GRIP1: variants seen among roughly 807,000 people sequenced by gnomAD.
GRIP1 encodes the protein glutamate receptor-interacting protein 1.
A neutral mutation model predicts 129.9 loss-of-function variants in GRIP1; 45 were observed. That is an observed-to-expected ratio of 0.35 (90% CI 0.27 to 0.44). The LOEUF (loss-of-function observed/expected upper bound fraction) is 0.44, where lower values mean the gene tolerates loss of function less well. GRIP1 is among the 20% of genes least tolerant of loss of function. GRIP1 has a pLI of 1.00. For missense variants in GRIP1, 1,196 were observed against 1,396.8 expected, an observed-to-expected ratio of 0.86 and a Z score of 2.29; for synonymous variants, 530 against 520.8, an observed-to-expected ratio of 1.02 and a Z score of -0.24.
At chr12:66,373,769 CAT>C (rs1444329691) in intron 22 of GRIP1, among the ~76,000 whole-genome samples, 3 of 152,338 alleles carry the variant, frequency 2.0e-5, no homozygotes, top group East Asian at 3.9e-4. Flanking sequence ...TGAACATTAA[CAT>C]GTGCTAAGTC....
At chr12:66,895,045 T>C (rs573461162) in intron 1 of GRIP1, among the ~76,000 whole-genome samples, 145 of 152,262 alleles carry the variant, frequency 9.5e-4, no homozygotes, top group African/African-American at 3.2e-3. Context: ...ATGTGCCAGA[T>C]TGTCAGCCTC....
intron 1 of GRIP1, among the ~76,000 whole-genome samples, chr12:66,790,344 C>T (rs2038490226): frequency 6.6e-6 from 1 of 152,050 alleles, no homozygotes; most frequent in African/African-American, 2.4e-5. Flanking sequence ...GAATACTTTA[C>T]CTCAAAAAAT....
At chr12:66,779,566 C>T (rs1259597127) in intron 1 of GRIP1, among the ~76,000 whole-genome samples, 1 of 152,154 alleles carries the variant, frequency 6.6e-6, no homozygotes, top group Non-Finnish European at 1.5e-5. Context: ...CTGAGGTTCA[C>T]AAGACAAAGC....
intron 1 of GRIP1, among the ~76,000 whole-genome samples, chr12:66,978,770 C>T (rs180905982): frequency 7.7e-4 from 118 of 152,282 alleles, no homozygotes; most frequent in African/African-American, 2.7e-3. Context: ...TTAAAAAATG[C>T]TCCATTTCCA....
At chr12:66,732,420 G>A (rs1479742386) in intron 1 of GRIP1, among the ~76,000 whole-genome samples, 3 of 152,030 alleles carry the variant, frequency 2.0e-5, no homozygotes, top group Non-Finnish European at 4.4e-5. Context: ...AAGCATGTTG[G>A]TGCACACCTG....
intron 1 of GRIP1, among the ~76,000 whole-genome samples, chr12:66,815,321 C>T (rs1330677030): frequency 6.6e-6 from 1 of 152,082 alleles, no homozygotes; most frequent in Non-Finnish European, 1.5e-5. Flanking sequence ...TCCTCCAAAA[C>T]CTAGCTCAGG....
intron 1 of GRIP1, among the ~76,000 whole-genome samples, chr12:66,674,460 T>C (rs553167101): frequency 6.6e-6 from 1 of 152,372 alleles, no homozygotes; most frequent in East Asian, 1.9e-4. Context: ...AATGTGTTTC[T>C]TTAATTAAGA....
At chr12:66,845,324 G>A (rs2039794425) in intron 1 of GRIP1, among the ~76,000 whole-genome samples, 4 of 152,072 alleles carry the variant, frequency 2.6e-5, no homozygotes, top group Admixed American at 2.6e-4. Context: ...AGGCGTGGTG[G>A]CACATGCCTG....
chr12:66,578,687 T>C (rs192271687), intron 2 of GRIP1, among the ~76,000 whole-genome samples: 37,303 of 151,922 alleles, frequency 0.25, 4,688 homozygotes, highest in Admixed American at 0.28. Flanking sequence ...AACTGCAAGG[T>C]GGCAGCGAGG....
intron 1 of GRIP1, among the ~76,000 whole-genome samples, chr12:66,672,682 G>A (rs1428036603): frequency 6.6e-6 from 1 of 152,048 alleles, no homozygotes; most frequent in Non-Finnish European, 1.5e-5. Context: ...CTGACGGCTT[G>A]CCTATCCCTA....
chr12:66,609,859 T>C (rs184038851), intron 1 of GRIP1, among the ~76,000 whole-genome samples: 1 of 152,272 alleles, frequency 6.6e-6, no homozygotes, highest in East Asian at 1.9e-4. Flanking sequence ...AATTTTATTG[T>C]TGAATCTGCT....
Position 66,528,145 on chromosome 12 carries a change from T to TTGTTTG in GRIP1, c.502+1685_502+1686insCAAACA, listed in dbSNP as rs1555201204. Among the ~76,000 whole-genome samples, 122 of 142,744 alleles carry TTGTTTG rather than the reference T, an allele frequency of 8.5e-4. 1 individual carries two copies. Among genetic ancestry groups the TTGTTTG allele is most frequent in the African/African-American group, 3.1e-3 (119 of 37,924 alleles). 93.6% of individuals were successfully genotyped at this position (142,744 alleles called of 152,430 possible). ...TTTAGAATTAGTAGGTTTTTTTTTT[T>TTGTTTG]TTTTTTTGAGATGGAGTCTGGCTCT... is the stretch of plus-strand genomic sequence containing the variant. On this transcript the variant is annotated intron_variant, in intron 5 of 24. Transcript: ENST00000359742.
At chr12:66,400,644 GA>G (rs2056953993) in intron 16 of GRIP1, among the ~76,000 whole-genome samples, 1 of 152,150 alleles carries the variant, frequency 6.6e-6, no homozygotes, top group Admixed American at 6.5e-5. Flanking sequence ...TACAGCCCAT[GA>G]AGGTAAAGTA....
chr12:66,371,695 T>A lies in GRIP1; in HGVS notation c.3011A>T (p.Lys1004Met). 1 of 1,599,248 alleles carries A rather than the reference T, an allele frequency of 6.3e-7. No homozygotes were observed. The highest frequency in any genetic ancestry group is 8.6e-7 in the Non-Finnish European group (1 of 1,166,398). The change falls in exon 23 of 25, where the codon AAG becomes ATG. Residue 1004 changes from lysine to methionine, a missense_variant and splice_region_variant. Lys to Met is a moderately conservative substitution (Grantham distance 95). Around this residue, in one of 5 missense-constraint regions of GRIP1, gnomAD observed 427 missense variants for 463.3 expected, o/e 0.92. Coordinates refer to ENST00000359742, the MANE Select transcript of GRIP1 (RefSeq NM_001366722.1). ...IMSPTPVELH[K>M]VTLYKDSDME... ...GGAAAGAAGAGAAAGCTTACTGACC[T>A]TGTGCAGCTCCACAGGAGTTGGAGA...
At chr12:66,584,138 C>G (rs1434241848) in intron 2 of GRIP1, among the ~76,000 whole-genome samples, 4 of 150,142 alleles carry the variant, frequency 2.7e-5, no homozygotes, top group Non-Finnish European at 5.9e-5. Flanking sequence ...AATCATCATT[C>G]TCAGTAAACT....
chr12:66,715,933 A>T (rs1219016000), intron 1 of GRIP1, among the ~76,000 whole-genome samples: 2 of 151,952 alleles, frequency 1.3e-5, no homozygotes, highest in East Asian at 3.9e-4. Flanking sequence ...CCCAGCATGA[A>T]TATTTCACTC....
intron 5 of GRIP1, among the ~76,000 whole-genome samples, chr12:66,527,986 A>T (rs2061314027): frequency 6.6e-6 from 1 of 152,236 alleles, no homozygotes; most frequent in South Asian, 2.1e-4. Context: ...TGGAAAGAAA[A>T]AAAATCCCTG....
At chr12:66,798,125 T>C (rs1019308662) in intron 1 of GRIP1, among the ~76,000 whole-genome samples, 5 of 152,166 alleles carry the variant, frequency 3.3e-5, no homozygotes, top group Admixed American at 1.3e-4. Flanking sequence ...AGCACTAGAA[T>C]ATGCTTTTTA....
chr12:66,571,883 A>G (rs1453590442), intron 2 of GRIP1, among the ~76,000 whole-genome samples: 2 of 152,176 alleles, frequency 1.3e-5, no homozygotes, highest in African/African-American at 4.8e-5. Flanking sequence ...TGGGCATGGC[A>G]GAGGGTGTAT....
Sources: gnomAD v4.1 joint callset for allele counts (sites outside exome capture counted in the v4.1 genomes callset) on GRCh38, gnomAD v4.1.1 for gene constraint, gnomAD v4.1.1 regional missense constraint, MANE v1.5 for transcripts, NCBI Gene and HGNC (gene_info 2026-07-23, HGNC 2026-07-21) for gene names.